CASKIN1: variants seen among roughly 807,000 people sequenced by gnomAD.
CASKIN1 encodes caskin-1.
In CASKIN1, 42 loss-of-function variants were observed where a neutral mutation model predicts 117.5. The ratio of observed to expected loss-of-function variants is 0.36; its 90% CI spans 0.28 to 0.46. The LOEUF (loss-of-function observed/expected upper bound fraction) is 0.46. CASKIN1 is among the 20% of genes least tolerant of loss of function. The pLI, the probability that CASKIN1 is intolerant of heterozygous loss-of-function variation, is 1.00. For missense variants in CASKIN1, 2,083 were observed against 2,077.3 expected (o/e 1.00, Z -0.05); for synonymous variants, 1,148 against 961.7 (o/e 1.19, Z -3.59).
intron 9 of CASKIN1, 66 bp downstream of exon 9, chr16:2,186,911 GT>G: frequency 6.2e-7 from 1 of 1,602,196 alleles, no homozygotes; most frequent in East Asian, 2.2e-5. Flanking sequence ...GCGGGAGGGT[GT>G]TCTGGGGTGC....
At chr16:2,178,746 G>C in intron 19 of CASKIN1, 100 bp from the exon 20 acceptor site, 4 of 1,344,868 alleles carry the variant, frequency 3.0e-6, no homozygotes, top group Non-Finnish European at 3.9e-6. Flanking sequence ...GTCGGCTTCC[G>C]CCTACCGCAC....
In CASKIN1 at chr16:2,189,351, A is replaced by G. The variant is rs746561945; in HGVS notation, c.391-18T>C. The G allele has an allele frequency of 1.2e-6, 2 of 1,612,570 alleles. No homozygotes were observed. The highest frequency in any genetic ancestry group is 2.2e-5 in the East Asian group (1 of 44,874). On this transcript the variant is annotated intron_variant, in intron 4 of 19. Coordinates refer to ENST00000343516, the MANE Select transcript of CASKIN1 (RefSeq NM_020764.4). ...ATCTCAGACTGGGGGCCAAGGGCGCAGTCAGGTCCGCACATCCTCAGGCCG... is the reference window on the plus strand; with the variant it reads ...ATCTCAGACTGGGGGCCAAGGGCGCGGTCAGGTCCGCACATCCTCAGGCCG...
In CASKIN1 at chr16:2,187,407, G is replaced by A. The variant is rs1288544032; in HGVS notation, c.672C>T (p.Ala224=). ...DINRQTKSGT[A]LHEAALCGKT... ...TTCCGCAGAGCGCAGCCTCGTGCAG[G>A]GCCGTGCCGGACTTGGTCTGGCGGT... The change falls in exon 7 of 20, where the codon GCC becomes GCT. Residue 224 remains alanine, a synonymous_variant. Transcript: ENST00000343516. The A allele has an allele frequency of 1.1e-5, 17 of 1,611,154 alleles. No homozygotes were observed. Among genetic ancestry groups the A allele is most frequent in the Non-Finnish European group, 1.4e-5 (17 of 1,179,826 alleles).
intron 1 of CASKIN1, among the ~76,000 whole-genome samples, chr16:2,192,894 T>C (rs1364223850): frequency 1.3e-5 from 2 of 152,210 alleles, no homozygotes; most frequent in African/African-American, 2.4e-5. Context: ...GCGGACTGGA[T>C]CGATCTCCTC....
chr16:2,179,445 A>C lies in CASKIN1; in HGVS notation c.3776-120T>G. 22 of 1,357,672 alleles carry C rather than the reference A, an allele frequency of 1.6e-5. No homozygotes were observed. The highest frequency in any genetic ancestry group is 2.1e-5 in the Non-Finnish European group (22 of 1,060,858). The allele number at this position is 1,357,672 out of a possible 1,614,324, so 84.1% of individuals were successfully genotyped here. A position where few individuals can be genotyped will look rare whatever the true frequency, so the allele number is the denominator to read the frequency against. On this transcript the variant is annotated intron_variant, in intron 18 of 19. Coordinates refer to ENST00000343516, the MANE Select transcript of CASKIN1 (RefSeq NM_020764.4). The surrounding 1 kb of genome is among the most constrained non-coding windows in gnomAD (Gnocchi z 5.8). ...GAAAGACCCTGCTCACCTTGCCCCC[A>C]GCCCTGGATGGATGAGAGGGTCTGG...
At position 2,185,053 on chromosome 16, in the gene CASKIN1, C is replaced by T. The variant is rs754159116; in HGVS notation, c.1240-18G>A. 91 of 1,606,542 alleles carry T rather than the reference C, an allele frequency of 5.7e-5. No homozygotes were observed. Among genetic ancestry groups the T allele is most frequent in the Non-Finnish European group, 7.2e-5 (85 of 1,175,620 alleles). The stretch of plus-strand genomic sequence containing the variant: ...GCCAGGAGCTGCAACCCAGAAACCC[C>T]GGCTTGTCACCTGCTCCCAGCCCTG... On this transcript the variant is annotated intron_variant, in intron 12 of 19. Transcript: ENST00000343516.
In CASKIN1 at chr16:2,179,362, A is replaced by C. The variant is rs2141309139; in HGVS notation, c.3776-37T>G. On this transcript the variant is annotated intron_variant, in intron 18 of 19. Coordinates refer to ENST00000343516, the MANE Select transcript of CASKIN1 (RefSeq NM_020764.4). This position sits in a 1 kb window ranked among gnomAD's most constrained non-coding sequence, Gnocchi z 5.8. ...ACCACGCTGGCACCGAGCGGGCACG[A>C]GTTCCGCCGCCGCGCCCCCTGCCCC... 1 of 1,321,950 alleles carries C rather than the reference A, an allele frequency of 7.6e-7. No individual in the cohort carries two copies. Among genetic ancestry groups the C allele is most frequent in the South Asian group, 2.3e-5 (1 of 43,444 alleles). 81.9% of individuals were successfully genotyped at this position (1,321,950 alleles called of 1,614,324 possible).
chr16:2,187,330 G>T (rs1410444057), intron 7 of CASKIN1, 23 bp downstream of exon 7: 1 of 1,613,072 alleles, frequency 6.2e-7, no homozygotes, highest in Non-Finnish European at 8.5e-7. Flanking sequence ...ACTGGGCCCA[G>T]CGCCCCTGGG....
chr16:2,185,990 AT>A (rs981391181), intron 10 of CASKIN1, among the ~76,000 whole-genome samples: 6 of 151,022 alleles, frequency 4.0e-5, no homozygotes, highest in African/African-American at 1.2e-4. Flanking sequence ...TTTAATCATT[AT>A]TTTTTTTTGA....
rs377070967 is a variant in CASKIN1 at position 2,184,964 on chromosome 16, C to T, written c.1311G>A (p.Pro437=). 1.6e-5 allele frequency: 26 copies of T among 1,604,730 alleles called. No individual in the cohort carries two copies. Among genetic ancestry groups the T allele is most frequent in the African/African-American group, 1.1e-4 (8 of 74,906 alleles). The change falls in exon 13 of 20, where the codon CCG becomes CCA. Residue 437 remains proline, a synonymous_variant. Transcript: ENST00000343516. ...SGPGDSPAKP[P]EGSAGVARSQ... is the part of the protein sequence containing the mutation. ...CCTTGCTCTTACCTGCAGAGCCTTC[C>T]GGAGGCTTGGCGGGGCTGTCCCCCG...
intron 6 of CASKIN1, chr16:2,188,823 G>A (rs1006188103): frequency 2.1e-5 from 14 of 672,228 alleles, no homozygotes; most frequent in African/African-American, 5.4e-5. Context: ...GGCTGGGACA[G>A]AGACGTCGCA....
chr16:2,186,593 G>A (rs1047278397), intron 10 of CASKIN1, 114 bp downstream of exon 10: 1 of 848,446 alleles, frequency 1.2e-6, no homozygotes, highest in Non-Finnish European at 1.9e-6. Flanking sequence ...TCAACCCCAC[G>A]CTGGCACCCA....
intron 10 of CASKIN1, 43 bp downstream of exon 10, chr16:2,186,664 C>T (rs554153344): frequency 6.4e-7 from 1 of 1,565,102 alleles, no homozygotes; most frequent in East Asian, 2.2e-5. Context: ...AGCCCCCAAG[C>T]CCAGGGGCTC....
At chr16:2,181,961 G>C (rs762471510) in intron 16 of CASKIN1, 32 bp from the exon 17 acceptor site, 1 of 1,609,256 alleles carries the variant, frequency 6.2e-7, no homozygotes, top group African/African-American at 1.3e-5. Context: ...GAGCCACCTG[G>C]GCTGGCTGCC....
chr16:2,189,663 C>A (rs1432294212), intron 3 of CASKIN1, 99 bp from the exon 4 acceptor site: 1 of 1,220,196 alleles, frequency 8.2e-7, no homozygotes, highest in Non-Finnish European at 1.1e-6. Flanking sequence ...CCAAGTCCAA[C>A]CCTGGGGGGT....
At chr16:2,193,365 G>A (rs1447480230) in intron 1 of CASKIN1, among the ~76,000 whole-genome samples, 2 of 152,156 alleles carry the variant, frequency 1.3e-5, no homozygotes, top group Non-Finnish European at 2.9e-5. Flanking sequence ...ATTTTGCATG[G>A]GGACCTGGGA....
In CASKIN1 at chr16:2,179,294, G is replaced by C. The variant is rs1294098469; in HGVS notation, c.3807C>G (p.Pro1269=). 9.8e-6 allele frequency: 12 copies of C among 1,226,614 alleles called. No homozygotes were observed. Among genetic ancestry groups the C allele is most frequent in the Middle Eastern group, 3.1e-4 (1 of 3,206 alleles). The allele number at this position is 1,226,614 out of a possible 1,614,324, so 76.0% of individuals were successfully genotyped here. Residue 1269 remains proline (P), a synonymous_variant, in exon 19 of 20, where the codon CCC becomes CCG. Coordinates refer to ENST00000343516, the MANE Select transcript of CASKIN1 (RefSeq NM_020764.4). The surrounding 1 kb of genome is among the most constrained non-coding windows in gnomAD (Gnocchi z 5.8). ...EVKRAHGTPP[P]VSPKPPPPPT... ...GCGGCGGCGGCGGCTTGGGAGACAC[G>C]GGCGGTGGCGTGCCGTGGGCGCGCT...
chr16:2,195,135 C>T (rs1011314729), intron 1 of CASKIN1, among the ~76,000 whole-genome samples: 5 of 152,230 alleles, frequency 3.3e-5, no homozygotes, highest in Admixed American at 6.5e-5. Context: ...CCTTTCTGAG[C>T]CCCCGGACCT....
At chr16:2,184,918 C>CA (rs1236887345) in intron 13 of CASKIN1, 33 bp downstream of exon 13, 1 of 1,581,566 alleles carries the variant, frequency 6.3e-7, no homozygotes, top group African/African-American at 1.4e-5. Context: ...TGCTTTCCTC[C>CA]ATCGGGCTGC....
Sources: allele counts gnomAD v4.1 joint callset (sites outside exome capture counted in the v4.1 genomes callset), GRCh38; gene constraint gnomAD v4.1.1; non-coding constraint Gnocchi (gnomAD v3.1); transcripts MANE v1.5; gene names NCBI Gene and HGNC (gene_info 2026-07-23, HGNC 2026-07-21).